ENTPD7: variants seen among roughly 807,000 people sequenced by gnomAD.
ENTPD7 encodes ectonucleoside triphosphate diphosphohydrolase 7.
In ENTPD7, 53 loss-of-function variants were observed where a neutral mutation model predicts 77.9. The observed-to-expected ratio is 0.68, with a 90% CI of 0.55 to 0.85. The LOEUF is 0.85. ENTPD7 is among the 40% of genes least tolerant of loss of function. The pLI, the probability that ENTPD7 is intolerant of heterozygous loss-of-function variation, is 0.00. For synonymous variants in ENTPD7, 248 were observed against 274.9 expected (o/e 0.90, Z 0.97); for missense variants, 636 against 743.7 (o/e 0.86, Z 1.68).
chr10:99,687,898 C>CG (rs2035834587), intron 6 of ENTPD7, among the ~76,000 whole-genome samples: 1 of 152,072 alleles, frequency 6.6e-6, no homozygotes, highest in Non-Finnish European at 1.5e-5. Context: ...CAGGGCCAAG[C>CG]GGTAGGAGGA....
rs1398339941 is a variant in ENTPD7 at position 99,706,329 on chromosome 10, T to G, written c.*1646T>G. 7.4e-6 allele frequency: 1 copy of G among 134,394 alleles called. No individual in the cohort carries two copies. The highest frequency in any genetic ancestry group is 2.0e-4 in the East Asian group (1 of 5,020). 8.3% of individuals were successfully genotyped at this position (134,394 alleles called of 1,614,324 possible). On this transcript the variant is annotated 3_prime_UTR_variant, in exon 13 of 13. Coordinates refer to ENST00000370489, the MANE Select transcript of ENTPD7 (RefSeq NM_020354.5). ...AAACATGGATTAAGCATGCAAAGAC[T>G]CTGTTCCTTTTTTTTTTTCTTGGAG...
intron 7 of ENTPD7, among the ~76,000 whole-genome samples, chr10:99,689,573 T>C (rs1156769542): frequency 1.3e-5 from 2 of 152,224 alleles, no homozygotes; most frequent in East Asian, 1.9e-4. Context: ...CAATTCCATC[T>C]GCAAGACTAA....
At chr10:99,684,706 T>C (rs2035791476) in intron 5 of ENTPD7, among the ~76,000 whole-genome samples, 4 of 152,260 alleles carry the variant, frequency 2.6e-5, no homozygotes, top group Admixed American at 2.0e-4. Context: ...ACTTGTCTTA[T>C]TTTAACTAAC....
chr10:99,670,829 A>G (rs1250920110), intron 3 of ENTPD7, among the ~76,000 whole-genome samples: 1 of 152,012 alleles, frequency 6.6e-6, no homozygotes, highest in Non-Finnish European at 1.5e-5. Flanking sequence ...AGCCTAGGTA[A>G]TAACATGGTG....
At position 99,710,466 on chromosome 10, in the gene ENTPD7, A is replaced by AAGGCTGCC. The variant is rs1322622385; in HGVS notation, c.*5784_*5791dup. 1 of 985,296 alleles carries AAGGCTGCC rather than the reference A, an allele frequency of 1.0e-6. No homozygotes were observed. Among genetic ancestry groups the AAGGCTGCC allele is most frequent in the Non-Finnish European group, 1.2e-6 (1 of 829,944 alleles). The allele number at this position is 985,296 out of a possible 1,614,324, so 61.0% of individuals were successfully genotyped here. ...TTATGATCTACACTTTAAAAAACCA[A>AAGGCTGCC]AGGCTGCCTGTATTACATTGCTTTG... On this transcript the variant is annotated 3_prime_UTR_variant, in exon 13 of 13. Coordinates refer to ENST00000370489, the MANE Select transcript of ENTPD7 (RefSeq NM_020354.5).
intron 3 of ENTPD7, among the ~76,000 whole-genome samples, chr10:99,665,338 G>A (rs1037961221): frequency 1.3e-5 from 2 of 152,004 alleles, no homozygotes; most frequent in African/African-American, 4.8e-5. Flanking sequence ...GTAGGAGACA[G>A]AAAGGCTTTC....
intron 3 of ENTPD7, among the ~76,000 whole-genome samples, chr10:99,667,905 A>C (rs911277907): frequency 6.0e-5 from 9 of 150,142 alleles, no homozygotes; most frequent in African/African-American, 2.0e-4. Context: ...ATAGTCTAAA[A>C]ATTTATGTTA....
At position 99,666,933 on chromosome 10, in the gene ENTPD7, A is replaced by G. The variant is rs117473667; in HGVS notation, c.191+5305A>G. Among the ~76,000 whole-genome samples the G allele has an allele frequency of 3.7e-3, 562 of 152,342 alleles. 2 individuals carry two copies. Among genetic ancestry groups the G allele is most frequent in the Non-Finnish European group, 5.0e-3 (340 of 68,032 alleles). On this transcript the variant is annotated intron_variant, in intron 3 of 12. Coordinates refer to ENST00000370489, the MANE Select transcript of ENTPD7 (RefSeq NM_020354.5). ...AAAAATCATAAGTTGTACCATTGTAAGTCAATGACTGTACCTCAATAGAGA... is the reference window on the plus strand; with the variant it reads ...AAAAATCATAAGTTGTACCATTGTAGGTCAATGACTGTACCTCAATAGAGA...
chr10:99,704,669 C>T lies in ENTPD7; in HGVS notation c.1801C>T (p.Gln601Ter). 6 of 1,613,516 alleles carry T rather than the reference C, an allele frequency of 3.7e-6. No individual in the cohort carries two copies. The highest frequency in any genetic ancestry group is 1.1e-5 in the South Asian group (1 of 90,996). ...LEEVVPMMGV[Q>*]VGP ...AGAGGTGGTGCCCATGATGGGAGTA[C>T]AGGTGGGGCCGTGAGGCTGGACCAG... is the stretch of plus-strand genomic sequence containing the variant. Residue 601 changes from glutamine (Q) to a stop codon, truncating the protein, a stop_gained, in exon 13 of 13, where the codon CAG becomes TAG. Coordinates refer to ENST00000370489, the MANE Select transcript of ENTPD7 (RefSeq NM_020354.5). LOFTEE classifies it high-confidence loss of function.
At chr10:99,698,288 G>C (rs1048284176) in intron 9 of ENTPD7, among the ~76,000 whole-genome samples, 1 of 152,176 alleles carries the variant, frequency 6.6e-6, no homozygotes, top group African/African-American at 2.4e-5. Flanking sequence ...TTTCACTACA[G>C]ACTAGGAAAT....
Position 99,669,740 on chromosome 10 carries a change from G to GTTTTTTT in ENTPD7, c.191+8133_191+8139dup, listed in dbSNP as rs71472510. On this transcript the variant is annotated intron_variant, in intron 3 of 12. Transcript: ENST00000370489. Reference sequence around the variant, plus strand: ...GAATAATACTTGTGTTAGATGTGTGGTTTTTTTTTTTTTTTTTTTTTTTTT... The same window carrying GTTTTTTT: ...GAATAATACTTGTGTTAGATGTGTGGTTTTTTTTTTTTTTTTTTTTTTTTTTTTTTTT... Among the ~76,000 whole-genome samples the GTTTTTTT allele has an allele frequency of 6.6e-4, 39 of 59,302 alleles. 8 individuals are homozygous for GTTTTTTT. Among genetic ancestry groups the GTTTTTTT allele is most frequent in the African/African-American group, 2.3e-3 (34 of 15,032 alleles). 38.9% of individuals were successfully genotyped at this position (59,302 alleles called of 152,430 possible).
chr10:99,695,447 G>A (rs1383532541), intron 8 of ENTPD7, among the ~76,000 whole-genome samples: 2 of 151,972 alleles, frequency 1.3e-5, no homozygotes, highest in South Asian at 2.1e-4. Flanking sequence ...GCTTGAACCC[G>A]GGAGGCGGAG....
At chr10:99,668,901 C>A (rs1288513922) in intron 3 of ENTPD7, among the ~76,000 whole-genome samples, 11 of 152,102 alleles carry the variant, frequency 7.2e-5, no homozygotes, top group Admixed American at 2.0e-4. Context: ...TATATCCGTA[C>A]TTTGTGGTGT....
intron 3 of ENTPD7, among the ~76,000 whole-genome samples, chr10:99,674,504 T>C (rs530124428): frequency 1.3e-5 from 2 of 152,326 alleles, no homozygotes; most frequent in South Asian, 4.1e-4. Context: ...TACCATTAAA[T>C]TTTCTGTTTC....
intron 8 of ENTPD7, among the ~76,000 whole-genome samples, chr10:99,693,427 T>C (rs2035915804): frequency 6.6e-6 from 1 of 152,198 alleles, no homozygotes; most frequent in Non-Finnish European, 1.5e-5. Context: ...TGTGATACTT[T>C]TTAGTCTATA....
chr10:99,688,828 T>C, intron 7 of ENTPD7, 78 bp downstream of exon 7: 3 of 1,382,378 alleles, frequency 2.2e-6, no homozygotes, highest in Admixed American at 1.9e-5. Flanking sequence ...AGCATGTAAA[T>C]GCAAATTTTG....
In ENTPD7 at chr10:99,698,698, G is replaced by A. The variant is rs759793937; in HGVS notation, c.1175G>A (p.Arg392His). 1.4e-5 allele frequency: 23 copies of A among 1,614,042 alleles called. No homozygotes were observed. Among genetic ancestry groups the A allele is most frequent in the East Asian group, 8.9e-5 (4 of 44,880 alleles). The change falls in exon 10 of 13, where the codon CGC becomes CAC. Residue 392 changes from arginine to histidine, a missense_variant. Physicochemically the swap from Arg to His is conservative, Grantham distance 29 (BLOSUM62 0). This residue lies in a region of ENTPD7 where 486 missense variants were observed against 556.5 expected (regional missense o/e 0.87). Transcript: ENST00000370489. Reference sequence around the variant, plus strand: ...GCAATGCTGAGCCCCCTGCTGGCTCGCTCCAACACCAGCCAGGCCTCACTC... The same window carrying A: ...GCAATGCTGAGCCCCCTGCTGGCTCACTCCAACACCAGCCAGGCCTCACTC... ...CGAMLSPLLARSNTSQASLNG... is the reference protein window; with the variant it reads ...CGAMLSPLLAHSNTSQASLNG...
rs562028646 is a variant in ENTPD7, at chr10:99,710,918, G to A, written c.*6235G>A. ...CCTTCATGTTTTAAAAACAATGGAC[G>A]TAAGTGCAGAGAGACCTTTGAAAAT... On this transcript the variant is annotated 3_prime_UTR_variant, in exon 13 of 13. Coordinates refer to ENST00000370489, the MANE Select transcript of ENTPD7 (RefSeq NM_020354.5). 85 of 985,274 alleles carry A rather than the reference G, an allele frequency of 8.6e-5. No individual in the cohort carries two copies. The highest frequency in any genetic ancestry group is 9.5e-5 in the Non-Finnish European group (79 of 829,782). The allele number at this position is 985,274 out of a possible 1,614,324, so 61.0% of individuals were successfully genotyped here. A position where few individuals can be genotyped will look rare whatever the true frequency, so the allele number is the denominator to read the frequency against.
intron 3 of ENTPD7, among the ~76,000 whole-genome samples, chr10:99,667,060 G>T (rs1469256655): frequency 6.6e-6 from 1 of 152,154 alleles, no homozygotes; most frequent in Non-Finnish European, 1.5e-5. Context: ...TATCCCAAGT[G>T]GTCAGAGCCA....
Sources: allele counts gnomAD v4.1 joint callset (sites outside exome capture counted in the v4.1 genomes callset), GRCh38; gene constraint gnomAD v4.1.1; regional missense constraint gnomAD v4.1.1; transcripts MANE v1.5; gene names NCBI Gene and HGNC (gene_info 2026-07-23, HGNC 2026-07-21).